The following DSCAM variants were observed in gnomAD, a reference collection of about 807,000 sequenced individuals.
The protein encoded by DSCAM is cell adhesion molecule DSCAM.
In DSCAM, 47 loss-of-function variants were observed where a neutral mutation model predicts 217.7. That is an observed-to-expected ratio of 0.22 (90% CI 0.17 to 0.28). DSCAM has a LOEUF of 0.28. DSCAM is among the 10% of genes least tolerant of loss of function. The pLI is 1.00. For missense variants in DSCAM, 2,080 were observed against 2,618.3 expected (o/e 0.79, Z 4.49); for synonymous variants, 1,056 against 1,015.3 (o/e 1.04, Z -0.76).
chr21:40,463,568 G>A (rs1464555843), intron 3 of DSCAM, among the ~76,000 whole-genome samples: 1 of 152,132 alleles, frequency 6.6e-6, no homozygotes, highest in Admixed American at 6.5e-5. Flanking sequence ...ATCCTCTGTA[G>A]ACCCAATCTC....
At chr21:40,640,580 G>A (rs544505834) in intron 3 of DSCAM, among the ~76,000 whole-genome samples, 14 of 152,262 alleles carry the variant, frequency 9.2e-5, no homozygotes, top group Middle Eastern at 3.4e-3. Context: ...ATGGATAACC[G>A]ATGACTGATG....
rs200100059 is a variant in DSCAM, at chr21:40,552,958, GCTTT to G, written c.508+139848_508+139851del. Among the ~76,000 whole-genome samples, 918 of 104,550 alleles carry G rather than the reference GCTTT, an allele frequency of 8.8e-3. 12 individuals are homozygous for G. Among genetic ancestry groups the G allele is most frequent in the African/African-American group, 0.026 (832 of 32,250 alleles). The allele number at this position is 104,550 out of a possible 152,430, so 68.6% of individuals were successfully genotyped here. A position where few individuals can be genotyped will look rare whatever the true frequency, so the allele number is the denominator to read the frequency against. ...ACATTATACAGCTCATGTGGAAACA[GCTTT>G]CTAATTTTTTTAAGACTAAGATTAG... On this transcript the variant is annotated intron_variant, in intron 3 of 32. Transcript: ENST00000400454.
At chr21:40,244,032 AGAC>A (rs915999343) in intron 11 of DSCAM, among the ~76,000 whole-genome samples, 1 of 152,226 alleles carries the variant, frequency 6.6e-6, no homozygotes, top group African/African-American at 2.4e-5. Context: ...TTCCCCATTT[AGAC>A]AACACAAGGA....
chr21:40,160,647 C>T (rs1239092037), intron 16 of DSCAM, among the ~76,000 whole-genome samples: 1 of 152,154 alleles, frequency 6.6e-6, no homozygotes, highest in Non-Finnish European at 1.5e-5. Flanking sequence ...AAGAAAACAC[C>T]TAAGGATGAG....
intron 3 of DSCAM, among the ~76,000 whole-genome samples, chr21:40,453,071 TGTGTGTGTGTGTGTGTGTGTGA>T (rs1270785935): frequency 1.9e-3 from 292 of 149,946 alleles, no homozygotes; most frequent in Non-Finnish European, 3.1e-3. Context: ...TGTGTGTGTG[TGTGTGTGTGTGTGTGTGTGTGA>T]GATATATGTG....
intron 3 of DSCAM, among the ~76,000 whole-genome samples, chr21:40,475,970 T>C (rs976483752): frequency 2.0e-5 from 3 of 152,236 alleles, no homozygotes; most frequent in African/African-American, 4.8e-5. Flanking sequence ...ATCTGTCAGG[T>C]TATCCAATCC....
chr21:40,361,100 T>A (rs2123674708), intron 4 of DSCAM, among the ~76,000 whole-genome samples: 1 of 150,780 alleles, frequency 6.6e-6, no homozygotes, highest in South Asian at 2.1e-4. Context: ...CCCCTTCAAA[T>A]TTTTTTTTGT....
At chr21:40,055,683 G>A (rs1408205854) in intron 29 of DSCAM, 42 bp downstream of exon 29, 2 of 1,493,592 alleles carry the variant, frequency 1.3e-6, no homozygotes, top group Admixed American at 1.7e-5. Context: ...AGGCATGGCT[G>A]TGGCAGCCAC....
At chr21:40,582,257 G>GTGT (rs1439823392) in intron 3 of DSCAM, among the ~76,000 whole-genome samples, 1 of 152,132 alleles carries the variant, frequency 6.6e-6, no homozygotes, top group Non-Finnish European at 1.5e-5. Flanking sequence ...TGTTACAATA[G>GTGT]TGTTTAAATA....
At chr21:40,220,024 T>C (rs1353134370) in intron 11 of DSCAM, among the ~76,000 whole-genome samples, 2 of 152,246 alleles carry the variant, frequency 1.3e-5, no homozygotes, top group Non-Finnish European at 2.9e-5. Context: ...ATGGCTTAAC[T>C]TTTTCTAACA....
chr21:40,677,643 A>G (rs1318265157), intron 3 of DSCAM, among the ~76,000 whole-genome samples: 2 of 152,154 alleles, frequency 1.3e-5, no homozygotes, highest in Non-Finnish European at 2.9e-5. Flanking sequence ...CCCAAAATTC[A>G]TATGTTGAAA....
intron 15 of DSCAM, among the ~76,000 whole-genome samples, chr21:40,171,234 C>T (rs781684156): frequency 3.3e-5 from 5 of 152,002 alleles, no homozygotes; most frequent in Admixed American, 6.6e-5. Flanking sequence ...TGTGCCACCA[C>T]GCCTGGCTGA....
intron 3 of DSCAM, among the ~76,000 whole-genome samples, chr21:40,437,517 AAC>A (rs1255541152): frequency 2.0e-5 from 3 of 152,142 alleles, no homozygotes; most frequent in East Asian, 3.9e-4. Context: ...GGCATTGAGG[AAC>A]AGAGAGGTTA....
intron 16 of DSCAM, among the ~76,000 whole-genome samples, chr21:40,145,710 T>G (rs1568966308): frequency 6.6e-6 from 1 of 151,796 alleles, no homozygotes; most frequent in Non-Finnish European, 1.5e-5. Context: ...CCAGGCATGG[T>G]GGTGGGTGTC....
At chr21:40,181,801 T>C (rs2090805198) in intron 14 of DSCAM, among the ~76,000 whole-genome samples, 2 of 151,944 alleles carry the variant, frequency 1.3e-5, no homozygotes. Flanking sequence ...GACTGTACCA[T>C]CTGTGGGTTT....
intron 27 of DSCAM, among the ~76,000 whole-genome samples, chr21:40,072,683 A>G (rs899686290): frequency 1.3e-5 from 2 of 152,100 alleles, no homozygotes; most frequent in African/African-American, 4.8e-5. Flanking sequence ...AGAACCCTTT[A>G]TTAGCCATGT....
At chr21:40,489,700 G>A (rs909106304) in intron 3 of DSCAM, among the ~76,000 whole-genome samples, 7 of 148,712 alleles carry the variant, frequency 4.7e-5, no homozygotes, top group African/African-American at 7.4e-5. Flanking sequence ...GCGTGAACCC[G>A]GGAGGCGGAG....
chr21:40,135,530 G>T (rs1369634653), intron 18 of DSCAM, among the ~76,000 whole-genome samples: 18 of 152,330 alleles, frequency 1.2e-4, no homozygotes. Context: ...CAGTCGCTCT[G>T]GGAAAAAGCA....
At chr21:40,355,166 A>C (rs1355192013) in intron 4 of DSCAM, among the ~76,000 whole-genome samples, 2 of 152,162 alleles carry the variant, frequency 1.3e-5, no homozygotes, top group Non-Finnish European at 2.9e-5. Context: ...AGAAAGAAAA[A>C]GAGGGCATAA....
Sources: allele counts gnomAD v4.1 joint callset (sites outside exome capture counted in the v4.1 genomes callset), GRCh38; gene constraint gnomAD v4.1.1; transcripts MANE v1.5; gene names NCBI Gene and HGNC (gene_info 2026-07-23, HGNC 2026-07-21).